Variants in NARS1 observed in about 807,000 individuals in gnomAD.
NARS1 encodes asparagine--tRNA ligase, cytoplasmic.
A neutral mutation model predicts 79.2 loss-of-function variants in NARS1; 65 were observed. The observed-to-expected ratio is 0.82, with a 90% CI of 0.67 to 1.01. The LOEUF (loss-of-function observed/expected upper bound fraction) is 1.01. Among genes scored for constraint, NARS1 ranks in the 50% least tolerant of loss-of-function variants. NARS1 has a pLI of 0.00. For missense variants in NARS1, 649 were observed against 673.8 expected (o/e 0.96, Z 0.41); for synonymous variants, 229 against 238.8 (o/e 0.96, Z 0.38).
chr18:57,614,318 C>T lies in NARS1; in HGVS notation c.343-638G>A, dbSNP rs780852952. Among the ~76,000 whole-genome samples the T allele has an allele frequency of 1.3e-4, 19 of 151,954 alleles. No homozygotes were observed. The South Asian group carries it at 2.1e-3, about 17-fold the overall frequency. ...GAGTTTGAGACTAGTCTGGCCAACACGGTGAAACCCCATCTCTACTAAAAA... is the reference window on the plus strand; with the variant it reads ...GAGTTTGAGACTAGTCTGGCCAACATGGTGAAACCCCATCTCTACTAAAAA... On this transcript the variant is annotated intron_variant, in intron 4 of 13. Transcript: ENST00000256854.
chr18:57,607,466 A>T lies in NARS1; in HGVS notation c.779T>A (p.Phe260Tyr). Residue 260 changes from phenylalanine to tyrosine, a missense_variant, in exon 8 of 14, where the codon TTC (phenylalanine) becomes TAC (tyrosine). By Grantham distance (22) the Phe-to-Tyr change is conservative. Transcript: ENST00000256854. ...TACTTCATAGTACCCCCTATCAAAG[A>T]AGTGATCTCTAAAGCACCTGGTGAC... ...SMVTRCFRDH[F>Y]FDRGYYEVTP... 1 of 1,614,160 alleles carries T rather than the reference A, an allele frequency of 6.2e-7. No individual in the cohort carries two copies. Among genetic ancestry groups the T allele is most frequent in the Non-Finnish European group, 8.5e-7 (1 of 1,180,010 alleles).
Position 57,601,531 on chromosome 18 carries a change from A to G in NARS1, c.*121T>C. The G allele has an allele frequency of 3.9e-6, 4 of 1,017,216 alleles. No homozygotes were observed. The highest frequency in any genetic ancestry group is 5.5e-6 in the Non-Finnish European group (4 of 729,686). 63.0% of individuals were successfully genotyped at this position (1,017,216 alleles called of 1,614,324 possible). A position where few individuals can be genotyped will look rare whatever the true frequency, so the allele number is the denominator to read the frequency against. On this transcript the variant is annotated 3_prime_UTR_variant, in exon 14 of 14. Coordinates refer to ENST00000256854, the MANE Select transcript of NARS1 (RefSeq NM_004539.4). ...TTTGAGATAGTTTTTATGGTAGTAGAAAGAAAAACAGAAAGAGAAACCCCA... is the reference window on the plus strand; with the variant it reads ...TTTGAGATAGTTTTTATGGTAGTAGGAAGAAAAACAGAAAGAGAAACCCCA...
intron 11 of NARS1, among the ~76,000 whole-genome samples, chr18:57,603,562 C>G (rs370134039): frequency 5.3e-5 from 8 of 152,156 alleles, no homozygotes; most frequent in African/African-American, 1.9e-4. Flanking sequence ...ATGACTTAAG[C>G]GCATCAGTTT....
At position 57,608,483 on chromosome 18, in the gene NARS1, A is replaced by G. The variant is rs1479773110; in HGVS notation, c.580-818T>C. Among the ~76,000 whole-genome samples the G allele has an allele frequency of 2.6e-5, 4 of 151,122 alleles. 1 individual carries two copies. In the South Asian group the frequency reaches 6.2e-4, roughly 24 times the overall value. The stretch of plus-strand genomic sequence containing the variant: ...ACAATAAAAACAGGCTCAAATTCTA[A>G]TAAGAAATTCTCTGAACATATTTAG... On this transcript the variant is annotated intron_variant, in intron 7 of 13. Coordinates refer to ENST00000256854, the MANE Select transcript of NARS1 (RefSeq NM_004539.4).
intron 9 of NARS1, 160 bp from the exon 10 acceptor site, chr18:57,606,911 GCA>G: frequency 3.1e-6 from 3 of 960,436 alleles, no homozygotes; most frequent in Non-Finnish European, 4.6e-6. Flanking sequence ...CCACTGAGTA[GCA>G]ATTTCTTGTT....
chr18:57,605,875 A>G lies in NARS1; in HGVS notation c.1233T>C (p.Thr411=). 3 of 1,607,674 alleles carry G rather than the reference A, an allele frequency of 1.9e-6. No homozygotes were observed. The highest frequency in any genetic ancestry group is 2.6e-6 in the Non-Finnish European group (3 of 1,175,166). ...TACATACTTCTCCAAATTCATAGAA[A>G]GTTCCATCTTCTTTCTTTACATCAT... is the stretch of plus-strand genomic sequence containing the variant. ...KEHDVKKEDG[T]FYEFGEDIPE... is the part of the protein sequence containing the mutation. The change falls in exon 11 of 14, where the codon ACT becomes ACC. Residue 411 remains threonine, a synonymous_variant. Transcript: ENST00000256854.
At position 57,606,622 on chromosome 18, in the gene NARS1, G is replaced by A. The variant is rs1246186704; in HGVS notation, c.1131C>T (p.Leu377=). 5 of 1,613,488 alleles carry A rather than the reference G, an allele frequency of 3.1e-6. No individual in the cohort carries two copies. Among genetic ancestry groups the A allele is most frequent in the South Asian group, 1.1e-5 (1 of 91,038 alleles). ...KSPAGSIVHE[L]NPNFQPPKRP... is the part of the protein sequence containing the mutation. ...CCATAAACACTGCACCTACCGGGTT[G>A]AGCTCATGCACTATGCTCCCTGCAG... The change falls in exon 10 of 14, where the codon CTC becomes CTT. Residue 377 remains leucine (L), a synonymous_variant. Coordinates refer to ENST00000256854, the MANE Select transcript of NARS1 (RefSeq NM_004539.4).
intron 13 of NARS1, 125 bp downstream of exon 13, chr18:57,602,230 C>A (rs544556784): frequency 1.1e-6 from 1 of 878,700 alleles, no homozygotes; most frequent in Non-Finnish European, 1.7e-6. Flanking sequence ...TTATAACCTG[C>A]AAACTGAATA....
intron 2 of NARS1, among the ~76,000 whole-genome samples, chr18:57,618,865 G>A (rs1171381962): frequency 2.0e-5 from 3 of 152,108 alleles, no homozygotes; most frequent in African/African-American, 7.2e-5. Flanking sequence ...ATGCGCTACT[G>A]CACTCCAGCC....
Position 57,602,268 on chromosome 18 carries a change from C to A in NARS1, c.1515+87G>T, listed in dbSNP as rs538713127. The A allele has an allele frequency of 4.5e-5, 57 of 1,266,366 alleles. No homozygotes were observed. In the African/African-American group the frequency reaches 7.5e-4, roughly 17 times the overall value. The allele number at this position is 1,266,366 out of a possible 1,614,324, so 78.4% of individuals were successfully genotyped here. Reference sequence around the variant, plus strand: ...GCTCATTCAAATACCAAAGTACTACCCTGAATTCTCCCCTTTTAAAAATTT... The same window carrying A: ...GCTCATTCAAATACCAAAGTACTACACTGAATTCTCCCCTTTTAAAAATTT... On this transcript the variant is annotated intron_variant, in intron 13 of 13. Coordinates refer to ENST00000256854, the MANE Select transcript of NARS1 (RefSeq NM_004539.4).
intron 7 of NARS1, among the ~76,000 whole-genome samples, chr18:57,608,437 C>CAA (rs1175712420): frequency 0.25 from 19,310 of 78,038 alleles, 3,317 homozygotes; most frequent in African/African-American, 0.37. Context: ...AACTCCGTCT[C>CAA]AAAAAAAAAA....
chr18:57,613,562 T>C (rs368189883), intron 5 of NARS1, 40 bp downstream of exon 5: 1 of 1,513,300 alleles, frequency 6.6e-7, no homozygotes, highest in Non-Finnish European at 9.1e-7. Flanking sequence ...AGAGCAGGGA[T>C]ATTTAAACAT....
At chr18:57,611,518 T>G in intron 6 of NARS1, 119 bp downstream of exon 6, 2 of 641,812 alleles carry the variant, frequency 3.1e-6, no homozygotes, top group Non-Finnish European at 5.1e-6. Flanking sequence ...AATGTGATGT[T>G]TTGATTCATT....
intron 6 of NARS1, among the ~76,000 whole-genome samples, chr18:57,610,682 C>T (rs1249623369): frequency 6.6e-6 from 1 of 151,490 alleles, no homozygotes; most frequent in Non-Finnish European, 1.5e-5. Context: ...TGAGAAGTTC[C>T]ACAGGACAAT....
intron 6 of NARS1, 46 bp downstream of exon 6, chr18:57,611,591 A>G: frequency 7.9e-7 from 1 of 1,259,492 alleles, no homozygotes; most frequent in Non-Finnish European, 1.1e-6. Context: ...AAAGGAATCT[A>G]CTGAAAACAT....
intron 7 of NARS1, among the ~76,000 whole-genome samples, chr18:57,608,614 G>C (rs1391596188): frequency 6.6e-6 from 1 of 152,088 alleles, no homozygotes; most frequent in African/African-American, 2.4e-5. Flanking sequence ...ATTCCGTAAG[G>C]CTGGAAATCA....
chr18:57,619,581 T>C (rs888747445), intron 2 of NARS1, among the ~76,000 whole-genome samples: 10 of 152,084 alleles, frequency 6.6e-5, no homozygotes, highest in African/African-American at 2.2e-4. Context: ...TTATAGCCAA[T>C]GGATTCTAGC....
At chr18:57,605,508 G>C (rs1003559420) in intron 11 of NARS1, among the ~76,000 whole-genome samples, 4 of 151,046 alleles carry the variant, frequency 2.6e-5, no homozygotes, top group African/African-American at 7.3e-5. Flanking sequence ...TCGGGAGGCT[G>C]AGGCAGGAGA....
At chr18:57,613,197 CAA>C (rs970025195) in intron 5 of NARS1, among the ~76,000 whole-genome samples, 2 of 137,052 alleles carry the variant, frequency 1.5e-5, no homozygotes, top group Admixed American at 7.3e-5. Context: ...GCCAGCATAC[CAA>C]AAAAAAAAAG....
Sources: allele counts gnomAD v4.1 joint callset (sites outside exome capture counted in the v4.1 genomes callset), GRCh38; gene constraint gnomAD v4.1.1; transcripts MANE v1.5; gene names NCBI Gene and HGNC (gene_info 2026-07-23, HGNC 2026-07-21).